Variants in LRIG1 observed in about 807,000 individuals in gnomAD.
LRIG1 encodes leucine rich repeats and immunoglobulin like domains 1.
Under a neutral mutation model 99.2 loss-of-function variants are expected in LRIG1, and 48 were observed. The observed-to-expected ratio is 0.48, with a 90% CI of 0.38 to 0.62. The LOEUF (loss-of-function observed/expected upper bound fraction) is 0.62. LRIG1 is among the 20% of genes least tolerant of loss of function. The pLI, the probability that LRIG1 is intolerant of heterozygous loss-of-function variation, is 0.00. For synonymous variants in LRIG1, 772 were observed against 596.1 expected (o/e 1.29, Z -4.30); for missense variants, 1,646 against 1,434.4 (o/e 1.15, Z -2.38).
At position 66,414,957 on chromosome 3, in the gene LRIG1, G is replaced by A. The variant is rs1467102200; in HGVS notation, c.610C>T (p.Pro204Ser). The A allele has an allele frequency of 3.1e-6, 5 of 1,612,018 alleles. No homozygotes were observed. ...RLSKNRITQL[P>S]VRAFKLPRLT... ...CTGGGTAGCTTGAATGCTCTTACAG[G>A]AAGCTGGGTGATCCTGTTTTTGCTC... Residue 204 changes from proline (P) to serine (S), a missense_variant, in exon 5 of 19, where the codon CCT (proline) becomes TCT (serine). Physicochemically the swap from Pro to Ser is moderately conservative, Grantham distance 74 (BLOSUM62 -1). Coordinates refer to ENST00000273261, the MANE Select transcript of LRIG1 (RefSeq NM_015541.3).
chr3:66,408,964 T>TGTGTGTGGGGGGGGGGGGGG (rs1575668634), intron 7 of LRIG1, among the ~76,000 whole-genome samples: 1 of 17,312 alleles, frequency 5.8e-5, no homozygotes. Flanking sequence ...GTGTGTGTGG[T>TGTGTGTGGGGGGGGGGGGGG]GGGGGGAGGG....
At chr3:66,391,419 C>T (rs962847529) in intron 12 of LRIG1, among the ~76,000 whole-genome samples, 22 of 152,190 alleles carry the variant, frequency 1.4e-4, no homozygotes, top group South Asian at 6.2e-4. Context: ...ATCTGATAAA[C>T]GGATAAATAA....
chr3:66,436,283 C>T (rs952881803), intron 3 of LRIG1, among the ~76,000 whole-genome samples: 1 of 152,154 alleles, frequency 6.6e-6, no homozygotes, highest in Admixed American at 6.5e-5. Flanking sequence ...AAGCATCATC[C>T]TTCGTATACT....
At chr3:66,481,748 C>T (rs551105337) in intron 1 of LRIG1, among the ~76,000 whole-genome samples, 68 of 152,200 alleles carry the variant, frequency 4.5e-4, no homozygotes, top group Admixed American at 6.5e-4. Context: ...GACAAATAAA[C>T]GAGAAGGGAT....
chr3:66,500,430 C>T lies in LRIG1; in HGVS notation c.-23G>A. 5.9e-6 allele frequency: 8 copies of T among 1,345,396 alleles called. No homozygotes were observed. Among genetic ancestry groups the T allele is most frequent in the Non-Finnish European group, 7.6e-6 (8 of 1,051,368 alleles). The allele number at this position is 1,345,396 out of a possible 1,614,324, so 83.3% of individuals were successfully genotyped here. On this transcript the variant is annotated 5_prime_UTR_variant, in exon 1 of 19. Transcript: ENST00000273261. ...CATCTTGTCTGGAGCGCGCTGCGAA[C>T]TCCGGGCGCGGGGACTGTGAGGACC... is the stretch of plus-strand genomic sequence containing the variant.
chr3:66,455,225 G>T (rs987927792), intron 2 of LRIG1, among the ~76,000 whole-genome samples: 11 of 152,280 alleles, frequency 7.2e-5, no homozygotes, highest in South Asian at 2.1e-4. Flanking sequence ...GATTACAGGC[G>T]TGAGCCACCA....
rs1211209657 is a variant in LRIG1, at chr3:66,380,488, C to A, written c.3057G>T (p.Gly1019=). 3 of 1,613,978 alleles carry A rather than the reference C, an allele frequency of 1.9e-6. No homozygotes were observed. Among genetic ancestry groups the A allele is most frequent in the Non-Finnish European group, 2.5e-6 (3 of 1,180,010 alleles). ...KKPMASLDGK[G]DSSWTLARLY... ...ACCTTGCTAAAGTCCAGGAAGAATC[C>A]CCTACAAGGAAAGAACGAACCTGTC... Residue 1019 remains glycine (G), a splice_region_variant and synonymous_variant, in exon 19 of 19, where the codon GGG becomes GGT. Coordinates refer to ENST00000273261, the MANE Select transcript of LRIG1 (RefSeq NM_015541.3).
intron 2 of LRIG1, among the ~76,000 whole-genome samples, chr3:66,461,949 G>C (rs9816011): frequency 0.99 from 150,838 of 152,292 alleles, 74,719 homozygotes; most frequent in East Asian, 1. Context: ...TACACGTTTG[G>C]TGGCTCACAT....
chr3:66,483,589 A>G (rs1026656555), intron 1 of LRIG1, among the ~76,000 whole-genome samples: 2 of 152,218 alleles, frequency 1.3e-5, no homozygotes, highest in African/African-American at 4.8e-5. Context: ...AGGCCTGAGC[A>G]AAGTAAGAGC....
chr3:66,468,932 T>G (rs1329241174), intron 1 of LRIG1: 2 of 152,232 alleles, frequency 1.3e-5, no homozygotes, highest in African/African-American at 4.8e-5. Context: ...TTGTAAGGTT[T>G]TATAAAAGAG....
intron 3 of LRIG1, among the ~76,000 whole-genome samples, chr3:66,435,079 T>A (rs1703310070): frequency 6.9e-6 from 1 of 144,910 alleles, no homozygotes; most frequent in Non-Finnish European, 1.6e-5. Flanking sequence ...GTACGGCACA[T>A]CCATATTATG....
chr3:66,497,278 G>A (rs1701248781), intron 1 of LRIG1, among the ~76,000 whole-genome samples: 1 of 152,184 alleles, frequency 6.6e-6, no homozygotes, highest in African/African-American at 2.4e-5. Flanking sequence ...AAACACTGCT[G>A]AAATTTACGG....
Position 66,380,390 on chromosome 3 carries a change from G to A in LRIG1, c.3155C>T (p.Ala1052Val), listed in dbSNP as rs746892141. The A allele has an allele frequency of 6.2e-6, 10 of 1,614,074 alleles. 1 individual carries two copies. The highest frequency in any genetic ancestry group is 8.5e-6 in the Non-Finnish European group (10 of 1,180,044). ...LTSGSPERAE[A>V]QYLLVSNGHL... is the part of the protein sequence containing the mutation. ...GCCATTGGAAACAAGCAAGTACTGG[G>A]CTTCCGCGCGCTCTGGACTGCCTGA... is the stretch of plus-strand genomic sequence containing the variant. The change falls in exon 19 of 19, where the codon GCC becomes GTC. Residue 1052 changes from alanine to valine, a missense_variant. Coordinates refer to ENST00000273261, the MANE Select transcript of LRIG1 (RefSeq NM_015541.3).
Position 66,447,177 on chromosome 3 carries a change from T to C in LRIG1, c.365+4382A>G, listed in dbSNP as rs189459814. ...TGTATAAAAATCACATCATGGAGAA[T>C]GGGGCATCCATGCCCTCAAGCATTT... On this transcript the variant is annotated intron_variant, in intron 3 of 18. Coordinates refer to ENST00000273261, the MANE Select transcript of LRIG1 (RefSeq NM_015541.3). 2.9e-3 allele frequency among the ~76,000 whole-genome samples: 446 copies of C among 152,298 alleles called. 2 individuals are homozygous for C. The highest frequency in any genetic ancestry group is 0.013 in the East Asian group (68 of 5,188).
At chr3:66,407,183 A>G (rs977599143) in intron 8 of LRIG1, among the ~76,000 whole-genome samples, 165 bp downstream of exon 8, 1 of 152,164 alleles carries the variant, frequency 6.6e-6, no homozygotes, top group Non-Finnish European at 1.5e-5. Context: ...GTTCTTTTTC[A>G]GTTGATTACA....
chr3:66,386,919 G>C (rs1701403132), intron 12 of LRIG1: 1 of 151,646 alleles, frequency 6.6e-6, no homozygotes, highest in Admixed American at 6.6e-5. Context: ...TCCCTCCCCA[G>C]CTCCATGGTA....
chr3:66,382,953 G>A, intron 15 of LRIG1, 29 bp downstream of exon 15: 1 of 1,567,608 alleles, frequency 6.4e-7, no homozygotes, highest in South Asian at 1.2e-5. Flanking sequence ...CTCCCTCCTT[G>A]AAAGTCAGCT....
chr3:66,405,303 C>G, intron 8 of LRIG1, 25 bp from the exon 9 acceptor site: 2 of 1,591,150 alleles, frequency 1.3e-6, no homozygotes, highest in Non-Finnish European at 1.7e-6. Flanking sequence ...GAAAGCAGCT[C>G]ACCGAGCAGT....
At position 66,389,660 on chromosome 3, in the gene LRIG1, G is replaced by A. The variant is rs187916388; in HGVS notation, c.1469-3359C>T. Reference sequence around the variant, plus strand: ...TAAATACATATATACCTAATGGAGCGCCACAAAACATAAAATCTGACCAGA... The same window carrying A: ...TAAATACATATATACCTAATGGAGCACCACAAAACATAAAATCTGACCAGA... On this transcript the variant is annotated intron_variant, in intron 12 of 18. Coordinates refer to ENST00000273261, the MANE Select transcript of LRIG1 (RefSeq NM_015541.3). 8.5e-4 allele frequency among the ~76,000 whole-genome samples: 130 copies of A among 152,152 alleles called. 1 individual carries two copies. The highest frequency in any genetic ancestry group is 2.6e-3 in the Admixed American group (40 of 15,286).
Sources: gnomAD v4.1 joint callset for allele counts (sites outside exome capture counted in the v4.1 genomes callset) on GRCh38, gnomAD v4.1.1 for gene constraint, MANE v1.5 for transcripts, NCBI Gene and HGNC (gene_info 2026-07-23, HGNC 2026-07-21) for gene names.